Variants in XXYLT1 observed in about 807,000 individuals in gnomAD.
The protein encoded by XXYLT1 is UDP-xylose:alpha-xyloside alpha-1,3-xylosyltransferase.
In XXYLT1, 20 loss-of-function variants were observed where a neutral mutation model predicts 28.9. The ratio of observed to expected loss-of-function variants is 0.69; its 90% CI spans 0.49 to 1.00. XXYLT1 has a LOEUF of 1.00. XXYLT1 is among the 50% of genes least tolerant of loss of function. The pLI, the probability that XXYLT1 is intolerant of heterozygous loss-of-function variation, is 0.00. For synonymous variants in XXYLT1, 257 were observed against 253.8 expected (o/e 1.01, Z -0.12); for missense variants, 542 against 560.1 (o/e 0.97, Z 0.33).
At chr3:195,074,926 A>C (rs1173424152) in intron 3 of XXYLT1, among the ~76,000 whole-genome samples, 2 of 152,186 alleles carry the variant, frequency 1.3e-5, no homozygotes, top group Non-Finnish European at 2.9e-5. Flanking sequence ...AAGCAGGCTG[A>C]GGTCTCCAGC....
chr3:195,170,530 A>G (rs1721354939), intron 2 of XXYLT1, among the ~76,000 whole-genome samples: 1 of 152,244 alleles, frequency 6.6e-6, no homozygotes, highest in African/African-American at 2.4e-5. Flanking sequence ...CATTTGTCAA[A>G]GAAAAATCAA....
At chr3:195,156,783 C>T (rs903311) in intron 2 of XXYLT1, among the ~76,000 whole-genome samples, 11,995 of 152,282 alleles carry the variant, frequency 0.079, 694 homozygotes, top group East Asian at 0.27. Context: ...AAACGACTAC[C>T]CGTGTCTTTT....
At chr3:195,095,127 C>CTT (rs2108666230) in intron 3 of XXYLT1, among the ~76,000 whole-genome samples, 1 of 152,346 alleles carries the variant, frequency 6.6e-6, no homozygotes, top group South Asian at 2.1e-4. Flanking sequence ...AGTGAGGACT[C>CTT]TGAGTCAGGG....
At chr3:195,252,026 A>G (rs1725277024) in intron 1 of XXYLT1, among the ~76,000 whole-genome samples, 1 of 152,232 alleles carries the variant, frequency 6.6e-6, no homozygotes, top group Non-Finnish European at 1.5e-5. Context: ...CTACACAGCA[A>G]TTAAAATGAC....
At chr3:195,132,850 T>G (rs1457159989) in intron 3 of XXYLT1, among the ~76,000 whole-genome samples, 1 of 152,242 alleles carries the variant, frequency 6.6e-6, no homozygotes, top group African/African-American at 2.4e-5. Context: ...AACGCTGAGA[T>G]GCACAATATG....
At position 195,257,403 on chromosome 3, in the gene XXYLT1, G is replaced by A. The variant is rs573317954; in HGVS notation, c.504+13152C>T. 1.3e-5 allele frequency among the ~76,000 whole-genome samples: 2 copies of A among 152,372 alleles called. No individual in the cohort carries two copies. The highest frequency in any genetic ancestry group is 1.5e-5 in the Non-Finnish European group (1 of 68,030). On this transcript the variant is annotated intron_variant, in intron 1 of 3. Coordinates refer to ENST00000310380, the MANE Select transcript of XXYLT1 (RefSeq NM_152531.5). This position sits in a 1 kb window ranked among gnomAD's most constrained non-coding sequence, Gnocchi z 4.3. The stretch of plus-strand genomic sequence containing the variant: ...AGCTCGGCAGGAGCCAGGGGAAAGG[G>A]GCTCACCAGGGTGGAGGTGAGAGGT...
In XXYLT1 at chr3:195,195,220, A is replaced by G. The variant is rs1199924251; in HGVS notation, c.652+31489T>C. Among the ~76,000 whole-genome samples the G allele has an allele frequency of 6.6e-6, 1 of 152,256 alleles. No homozygotes were observed. The highest frequency in any genetic ancestry group is 1.5e-5 in the Non-Finnish European group (1 of 68,046). On this transcript the variant is annotated intron_variant, in intron 2 of 3. Transcript: ENST00000310380. This position sits in a 1 kb window ranked among gnomAD's most constrained non-coding sequence, Gnocchi z 4.4. ...TGATAAAGCTGGCTACCGTTCTCAT[A>G]AATGTTCTCTTAAGTGAATTCATAT...
rs1442889945 is a variant in XXYLT1 at position 195,069,047 on chromosome 3, A to G, written c.*668T>C. The G allele has an allele frequency of 6.6e-6, 1 of 152,222 alleles. No homozygotes were observed. The highest frequency in any genetic ancestry group is 1.9e-4 in the East Asian group (1 of 5,190). 9.4% of individuals were successfully genotyped at this position (152,222 alleles called of 1,614,324 possible). ...AATGGGGTTCTAGGATGTAGCTGGG[A>G]GATACAAGCTGTGAGTACTCTAATA... On this transcript the variant is annotated 3_prime_UTR_variant, in exon 4 of 4. Coordinates refer to ENST00000310380, the MANE Select transcript of XXYLT1 (RefSeq NM_152531.5).
chr3:195,144,200 C>A (rs943753236), intron 3 of XXYLT1, among the ~76,000 whole-genome samples: 2 of 149,812 alleles, frequency 1.3e-5, no homozygotes, highest in African/African-American at 2.4e-5. Context: ...GGCCAACCGC[C>A]CACTCCACTC....
rs182382590 is a variant in XXYLT1, at chr3:195,075,486, C to T, written c.786-5375G>A. On this transcript the variant is annotated intron_variant, in intron 3 of 3. Transcript: ENST00000310380. The stretch of plus-strand genomic sequence containing the variant: ...ATAATTTATGCTTTTCCACAAATGC[C>T]TCTGCCCAGAAAAGGGAACTGCTGC... 5.9e-4 allele frequency among the ~76,000 whole-genome samples: 90 copies of T among 152,362 alleles called. No homozygotes were observed. In the East Asian group the frequency reaches 0.017, roughly 29 times the overall value.
At chr3:195,154,032 C>A (rs1439583350) in intron 3 of XXYLT1, 1 of 152,310 alleles carries the variant, frequency 6.6e-6, no homozygotes, top group Admixed American at 6.5e-5. Flanking sequence ...GGTGGCAGAG[C>A]TGGGACTAGT....
intron 2 of XXYLT1, among the ~76,000 whole-genome samples, chr3:195,213,430 A>T (rs1411541256): frequency 1.3e-5 from 2 of 151,988 alleles, no homozygotes; most frequent in East Asian, 3.9e-4. Flanking sequence ...ATGCCCAGCT[A>T]ATTTTGTATT....
chr3:195,268,633 A>G (rs926953418), intron 1 of XXYLT1, among the ~76,000 whole-genome samples: 3 of 151,712 alleles, frequency 2.0e-5, no homozygotes, highest in Non-Finnish European at 4.4e-5. Context: ...GAGCAATTTT[A>G]TGCCAGGACT....
chr3:195,085,432 G>A (rs1715665855), intron 3 of XXYLT1, among the ~76,000 whole-genome samples: 1 of 152,192 alleles, frequency 6.6e-6, no homozygotes, highest in African/African-American at 2.4e-5. Flanking sequence ...TCCCATCCCT[G>A]GTTCCCTAGA....
Position 195,077,639 on chromosome 3 carries a change from C to A in XXYLT1, c.786-7528G>T, listed in dbSNP as rs1393110563. On this transcript the variant is annotated intron_variant, in intron 3 of 3. Coordinates refer to ENST00000310380, the MANE Select transcript of XXYLT1 (RefSeq NM_152531.5). The surrounding 1 kb of genome is among the most constrained non-coding windows in gnomAD (Gnocchi z 4.8). ...TCTGTGGGGCCCTGTAAAGCGCGGC[C>A]TGGGGCTGGACGTCGTAGGGGGTGA... 6.6e-6 allele frequency among the ~76,000 whole-genome samples: 1 copy of A among 152,210 alleles called. No homozygotes were observed.
At chr3:195,167,333 G>A (rs997605676) in intron 2 of XXYLT1, among the ~76,000 whole-genome samples, 5 of 152,284 alleles carry the variant, frequency 3.3e-5, no homozygotes, top group African/African-American at 9.6e-5. Flanking sequence ...ACTCATGCCT[G>A]TAATCTCAAC....
At chr3:195,111,934 C>T (rs1303833064) in intron 3 of XXYLT1, among the ~76,000 whole-genome samples, 4 of 152,144 alleles carry the variant, frequency 2.6e-5, no homozygotes, top group East Asian at 3.8e-4. Flanking sequence ...ATTCAAATAG[C>T]GCGTGCCTGC....
intron 3 of XXYLT1, among the ~76,000 whole-genome samples, chr3:195,140,340 C>T (rs1719418321): frequency 6.6e-6 from 1 of 152,166 alleles, no homozygotes; most frequent in African/African-American, 2.4e-5. Context: ...AACCCATGCC[C>T]AAATACCAGC....
At chr3:195,181,482 A>G (rs1362301821) in intron 2 of XXYLT1, among the ~76,000 whole-genome samples, 1 of 152,250 alleles carries the variant, frequency 6.6e-6, no homozygotes, top group Non-Finnish European at 1.5e-5. Context: ...GGACTGAGGA[A>G]GTGGATGATA....
Sources: allele counts gnomAD v4.1 joint callset (sites outside exome capture counted in the v4.1 genomes callset), GRCh38; gene constraint gnomAD v4.1.1; non-coding constraint Gnocchi (gnomAD v3.1); transcripts MANE v1.5; gene names NCBI Gene and HGNC (gene_info 2026-07-23, HGNC 2026-07-21).